The following DNAI2 variants were observed in gnomAD, a reference collection of about 807,000 sequenced individuals.
DNAI2 encodes dynein, axonemal, intermediate polypeptide 2.
DNAI2 carries 63 observed loss-of-function variants against 74.7 expected under a neutral mutation model. That is an observed-to-expected ratio of 0.84 (90% CI 0.69 to 1.04). DNAI2 has a LOEUF of 1.04. DNAI2 is among the 50% of genes least tolerant of loss of function. The pLI, the probability that DNAI2 is intolerant of heterozygous loss-of-function variation, is 0.00. For synonymous variants in DNAI2, 289 were observed against 314.9 expected (o/e 0.92, Z 0.87); for missense variants, 688 against 803.2 (o/e 0.86, Z 1.73).
intron 6 of DNAI2, among the ~76,000 whole-genome samples, chr17:74,298,756 C>T (rs1397770682): frequency 6.6e-6 from 1 of 152,024 alleles, no homozygotes; most frequent in Non-Finnish European, 1.5e-5. Context: ...CGAGTAACAG[C>T]CTCCCGAGTA....
At chr17:74,294,964 A>G (rs1412033278) in intron 6 of DNAI2, among the ~76,000 whole-genome samples, 2 of 152,046 alleles carry the variant, frequency 1.3e-5, no homozygotes, top group African/African-American at 4.8e-5. Context: ...TCCTCAGACT[A>G]CATAATCTCA....
chr17:74,289,556 C>A, intron 4 of DNAI2, 38 bp from the exon 5 acceptor site: 1 of 1,611,394 alleles, frequency 6.2e-7, no homozygotes. Context: ...TGGGGAACCT[C>A]ACATCCAGCC....
chr17:74,274,482 A>C (rs2050944127), intron 1 of DNAI2, 137 bp downstream of exon 1: 1 of 152,190 alleles, frequency 6.6e-6, no homozygotes, highest in South Asian at 2.1e-4. Flanking sequence ...TAGCTCTGCC[A>C]GATGGTGGCT....
intron 12 of DNAI2, 56 bp from the exon 13 acceptor site, chr17:74,314,065 T>G: frequency 6.2e-7 from 1 of 1,612,098 alleles, no homozygotes. Flanking sequence ...CCCAGGGGAG[T>G]GGGGAAGGCC....
At chr17:74,301,908 AAAGAAGGAAGGAAG>A in intron 8 of DNAI2, among the ~76,000 whole-genome samples, 1 of 32,790 alleles carries the variant, frequency 3.0e-5, no homozygotes, top group South Asian at 1.2e-3. Flanking sequence ...GGAAGGAAGG[AAAGAAGGAAGGAAG>A]GAAGGAAGGA....
Position 74,289,844 on chromosome 17 carries a change from G to C in DNAI2, c.610+108G>C, listed in dbSNP as rs972691978. On this transcript the variant is annotated intron_variant, in intron 5 of 13. Transcript: ENST00000311014. ...GAGGTCAAGGACACTCACGCGGTTG[G>C]TGCCTCAAGGGAAGGGCCCGCAGTC... 24 of 1,435,658 alleles carry C rather than the reference G, an allele frequency of 1.7e-5. No individual in the cohort carries two copies. The African/African-American group carries it at 2.9e-4, about 17-fold the overall frequency. The allele number at this position is 1,435,658 out of a possible 1,614,324, so 88.9% of individuals were successfully genotyped here.
In DNAI2 at chr17:74,299,817, A is replaced by C; in HGVS notation, c.824A>C (p.Lys275Thr). Residue 275 changes from lysine to threonine, a missense_variant, in exon 7 of 14, where the codon AAG (lysine) becomes ACG (threonine). Coordinates refer to ENST00000311014, the MANE Select transcript of DNAI2 (RefSeq NM_023036.6). ...TATGGCACCATCTGGCTGCAGTCGA[A>C]GACGGGCACCGAGTGCTTCTCAGCT... ...PVYGTIWLQS[K>T]TGTECFSAST... 6.2e-7 allele frequency: 1 copy of C among 1,613,440 alleles called. No individual in the cohort carries two copies. The highest frequency in any genetic ancestry group is 8.5e-7 in the Non-Finnish European group (1 of 1,179,998).
At chr17:74,312,264 G>GGGGGTGGGGC in intron 12 of DNAI2, 34 bp downstream of exon 12, 2 of 506,558 alleles carry the variant, frequency 3.9e-6, no homozygotes, top group African/African-American at 2.0e-5. Flanking sequence ...GTGGGTTGGG[G>GGGGGTGGGGC]ACTGGGCGGG....
At chr17:74,290,833 G>A (rs2052043795) in intron 5 of DNAI2, among the ~76,000 whole-genome samples, 187 bp from the exon 6 acceptor site, 1 of 152,192 alleles carries the variant, frequency 6.6e-6, no homozygotes, top group South Asian at 2.1e-4. Flanking sequence ...AAAGCCCCTA[G>A]GGTCAAGAAT....
At position 74,310,158 on chromosome 17, in the gene DNAI2, T is replaced by A. The variant is rs776297555; in HGVS notation, c.1489T>A (p.Ser497Thr). ...CCAGAGGAATGAGAAGAACGTAGCCTCTTCCGTAAGCACCGGGTGCCTGGG... is the reference window on the plus strand; with the variant it reads ...CCAGAGGAATGAGAAGAACGTAGCCACTTCCGTAAGCACCGGGTGCCTGGG... ...TLQRNEKNVA[S>T]SMFERETRRE... Residue 497 changes from serine (S) to threonine (T), a missense_variant, in exon 11 of 14, where the codon TCT becomes ACT. Ser to Thr is a moderately conservative substitution (Grantham distance 58). Transcript: ENST00000311014. The A allele has an allele frequency of 6.2e-7, 1 of 1,613,476 alleles. No homozygotes were observed. The highest frequency in any genetic ancestry group is 1.1e-5 in the South Asian group (1 of 91,074).
At chr17:74,305,811 A>G (rs909416007) in intron 9 of DNAI2, among the ~76,000 whole-genome samples, 1 of 151,228 alleles carries the variant, frequency 6.6e-6, no homozygotes, top group Non-Finnish European at 1.5e-5. Flanking sequence ...AGCTGGGACT[A>G]CAAGCACCTG....
chr17:74,289,677 G>A lies in DNAI2; in HGVS notation c.551G>A (p.Cys184Tyr). ...AGGAAGTTGGCAGTGGCATACTCCTGCTTGGATTTTCAGCGGGCACCTGTG... is the reference window on the plus strand; with the variant it reads ...AGGAAGTTGGCAGTGGCATACTCCTACTTGGATTTTCAGCGGGCACCTGTG... ...GNRKLAVAYS[C>Y]LDFQRAPVGM... The change falls in exon 5 of 14, where the codon TGC (cysteine) becomes TAC (tyrosine). Residue 184 changes from cysteine to tyrosine, a missense_variant. Cys to Tyr is a radical substitution (Grantham distance 194). Transcript: ENST00000311014. 1.2e-6 allele frequency: 2 copies of A among 1,614,124 alleles called. No homozygotes were observed. Among genetic ancestry groups the A allele is most frequent in the Non-Finnish European group, 1.7e-6 (2 of 1,180,040 alleles).
intron 1 of DNAI2, among the ~76,000 whole-genome samples, chr17:74,278,858 T>C (rs1340798056): frequency 1.3e-5 from 2 of 152,184 alleles, no homozygotes; most frequent in Non-Finnish European, 2.9e-5. Flanking sequence ...CAGCAATAAC[T>C]TAATTGTACA....
chr17:74,314,278 C>T lies in DNAI2; in HGVS notation c.*55+7C>T, dbSNP rs2053701793. On this transcript the variant is annotated splice_region_variant and intron_variant, in intron 13 of 13. Transcript: ENST00000311014. ...CTTCCTTTCCCACCTCTTGGTATTGCCCCGCTCTCACAAGTGGGAGGCTGA... is the reference window on the plus strand; with the variant it reads ...CTTCCTTTCCCACCTCTTGGTATTGTCCCGCTCTCACAAGTGGGAGGCTGA... 3.7e-6 allele frequency: 6 copies of T among 1,609,564 alleles called. No individual in the cohort carries two copies. The highest frequency in any genetic ancestry group is 5.1e-6 in the Non-Finnish European group (6 of 1,177,198).
chr17:74,279,396 T>C (rs1447847946), intron 1 of DNAI2, among the ~76,000 whole-genome samples: 1 of 152,198 alleles, frequency 6.6e-6, no homozygotes, highest in Admixed American at 6.5e-5. Flanking sequence ...CCATTTCCCA[T>C]GATTGTATAT....
At chr17:74,285,731 T>A (rs1212536685) in intron 3 of DNAI2, among the ~76,000 whole-genome samples, 1 of 152,020 alleles carries the variant, frequency 6.6e-6, no homozygotes, top group African/African-American at 2.4e-5. Context: ...CCAGATAACA[T>A]AAAAAGAAAG....
intron 6 of DNAI2, among the ~76,000 whole-genome samples, chr17:74,298,634 G>T (rs529546503): frequency 3.9e-5 from 6 of 152,216 alleles, no homozygotes; most frequent in African/African-American, 1.4e-4. Flanking sequence ...ACAGGGTCTT[G>T]CTCTGTCACC....
chr17:74,308,261 G>A (rs542172362), intron 9 of DNAI2, among the ~76,000 whole-genome samples: 4 of 152,302 alleles, frequency 2.6e-5, no homozygotes, highest in South Asian at 2.1e-4. Context: ...GTGAAAATCT[G>A]AAGGCTGCAC....
chr17:74,276,352 C>T lies in DNAI2; in HGVS notation c.-12+2007C>T, dbSNP rs552458073. Among the ~76,000 whole-genome samples, 3 of 152,290 alleles carry T rather than the reference C, an allele frequency of 2.0e-5. 1 individual carries two copies. The South Asian group carries it at 6.2e-4, about 32-fold the overall frequency. ...GAGACTCACAGTGGTGTTCTTCACG[C>T]CTCTGGGACTCTAGGTTCCCACGGG... On this transcript the variant is annotated intron_variant, in intron 1 of 13. Coordinates refer to ENST00000311014, the MANE Select transcript of DNAI2 (RefSeq NM_023036.6).
Sources: gnomAD v4.1 joint callset for allele counts (sites outside exome capture counted in the v4.1 genomes callset) on GRCh38, gnomAD v4.1.1 for gene constraint, MANE v1.5 for transcripts, NCBI Gene and HGNC (gene_info 2026-07-23, HGNC 2026-07-21) for gene names.